TBC1D2: variants seen among roughly 807,000 people sequenced by gnomAD.
TBC1D2 encodes the protein TBC1 domain family member 2.
TBC1D2 carries 58 observed loss-of-function variants against 91.1 expected under a neutral mutation model. That is an observed-to-expected ratio of 0.64 (90% CI 0.52 to 0.79). TBC1D2 has a LOEUF of 0.79. TBC1D2 is among the 30% of genes least tolerant of loss of function. TBC1D2 has a pLI of 0.00. For synonymous variants in TBC1D2, 482 were observed against 511.5 expected (o/e 0.94, Z 0.78); for missense variants, 1,080 against 1,208.3 (o/e 0.89, Z 1.57).
chr9:98,217,687 C>T (rs1339226401), intron 6 of TBC1D2, among the ~76,000 whole-genome samples: 1 of 152,130 alleles, frequency 6.6e-6, no homozygotes, highest in African/African-American at 2.4e-5. Context: ...CTAAGGAACA[C>T]CAACTACATG....
chr9:98,243,371 A>T (rs1047102102), intron 3 of TBC1D2, among the ~76,000 whole-genome samples: 1 of 151,754 alleles, frequency 6.6e-6, no homozygotes, highest in Non-Finnish European at 1.5e-5. Context: ...ATGGATAATT[A>T]AAAAAAATAC....
chr9:98,212,610 T>C (rs1828874550), intron 7 of TBC1D2, among the ~76,000 whole-genome samples: 1 of 151,974 alleles, frequency 6.6e-6, no homozygotes, highest in South Asian at 2.1e-4. Context: ...CACGCCATTC[T>C]CCTGCCTCAG....
intron 6 of TBC1D2, among the ~76,000 whole-genome samples, chr9:98,214,842 G>A (rs1194102066): frequency 6.6e-6 from 1 of 152,124 alleles, no homozygotes; most frequent in Admixed American, 6.5e-5. Flanking sequence ...CCCAGGGGAG[G>A]GAACGAATGC....
chr9:98,255,494 A>G lies in TBC1D2; in HGVS notation c.48T>C (p.Pro16=), dbSNP rs1563994510. 1.3e-5 allele frequency: 20 copies of G among 1,558,664 alleles called. No individual in the cohort carries two copies. Among genetic ancestry groups the G allele is most frequent in the Non-Finnish European group, 1.7e-5 (20 of 1,150,312 alleles). ...GATCCCTGGCAGACTCTTCGGACCCAGGGGCAGAGGAGCTGGACTCCGGGG... is the reference window on the plus strand; with the variant it reads ...GATCCCTGGCAGACTCTTCGGACCCGGGGGCAGAGGAGCTGGACTCCGGGG... ...ENAPESSSSA[P]GSEESARDPQ... Residue 16 remains proline (P), a synonymous_variant, in exon 1 of 13, where the codon CCT becomes CCC. Coordinates refer to ENST00000465784, the MANE Select transcript of TBC1D2 (RefSeq NM_001267571.2).
chr9:98,221,599 T>C (rs541621111), intron 5 of TBC1D2, among the ~76,000 whole-genome samples: 2 of 151,918 alleles, frequency 1.3e-5, no homozygotes, highest in Non-Finnish European at 2.9e-5. Flanking sequence ...GGAACTAGAG[T>C]GGCCGCCTCA....
At chr9:98,242,560 C>T (rs1018133984) in intron 3 of TBC1D2, among the ~76,000 whole-genome samples, 1 of 152,094 alleles carries the variant, frequency 6.6e-6, no homozygotes, top group Non-Finnish European at 1.5e-5. Flanking sequence ...GTAACAATAG[C>T]AGCAGCAGCT....
Position 98,255,607 on chromosome 9 carries a change from A to C in TBC1D2, c.-66T>G. On this transcript the variant is annotated 5_prime_UTR_variant, in exon 1 of 13. Transcript: ENST00000465784. ...GGACCACCAGGGACAAATCTCGGAG[A>C]CTCGGCGGGCAGCTTCCCAAAGGGA... The C allele has an allele frequency of 7.1e-7, 1 of 1,411,058 alleles. No individual in the cohort carries two copies. Among genetic ancestry groups the C allele is most frequent in the Admixed American group, 3.0e-5 (1 of 33,882 alleles). The allele number at this position is 1,411,058 out of a possible 1,614,324, so 87.4% of individuals were successfully genotyped here. A position where few individuals can be genotyped will look rare whatever the true frequency, so the allele number is the denominator to read the frequency against.
chr9:98,203,020 G>A (rs541890133), intron 10 of TBC1D2, among the ~76,000 whole-genome samples: 54 of 152,362 alleles, frequency 3.5e-4, no homozygotes, highest in African/African-American at 1.3e-3. Context: ...GAGGATGAAG[G>A]CCACCTGCCA....
At chr9:98,200,112 C>A in intron 12 of TBC1D2, 141 bp downstream of exon 12, 1 of 1,286,248 alleles carries the variant, frequency 7.8e-7, no homozygotes, top group Non-Finnish European at 1.1e-6. Flanking sequence ...GACAGTCAGA[C>A]TTCCCCAAAG....
At chr9:98,235,116 T>A (rs1691579659) in intron 3 of TBC1D2, 1 of 225,578 alleles carries the variant, frequency 4.4e-6, no homozygotes, top group Non-Finnish European at 9.2e-6. Context: ...AGGCAGAGAA[T>A]CGCTTGAACC....
At chr9:98,238,725 A>G (rs1309959987) in intron 3 of TBC1D2, among the ~76,000 whole-genome samples, 1 of 132,988 alleles carries the variant, frequency 7.5e-6, no homozygotes, top group Non-Finnish European at 1.5e-5. Flanking sequence ...GTTTCGTTCT[A>G]CTTGTTTTTT....
intron 5 of TBC1D2, among the ~76,000 whole-genome samples, chr9:98,223,743 C>T (rs548060841): frequency 3.9e-4 from 60 of 152,312 alleles, no homozygotes; most frequent in Middle Eastern, 3.4e-3. Flanking sequence ...AGGCTCTCCT[C>T]CCACCCCCAG....
Position 98,238,626 on chromosome 9 carries a change from C to T in TBC1D2, c.648-5077G>A, listed in dbSNP as rs1354969587. On this transcript the variant is annotated intron_variant, in intron 3 of 12. Transcript: ENST00000465784. ...AGCCTCCAGAACAATGTTGAATATT[C>T]CTGATTTTAAGGGGAAAATATTCAG... Among the ~76,000 whole-genome samples the T allele has an allele frequency of 5.1e-5, 7 of 137,320 alleles. 3 individuals are homozygous for T. Among genetic ancestry groups the T allele is most frequent in the African/African-American group, 2.5e-4 (7 of 27,696 alleles). 90.1% of individuals were successfully genotyped at this position (137,320 alleles called of 152,430 possible). A position where few individuals can be genotyped will look rare whatever the true frequency, so the allele number is the denominator to read the frequency against.
At chr9:98,200,511 T>C in intron 11 of TBC1D2, 137 bp from the exon 12 acceptor site, 1 of 254,236 alleles carries the variant, frequency 3.9e-6, no homozygotes, top group South Asian at 4.4e-5. Flanking sequence ...AGGCACAATG[T>C]GTGGGGATAG....
intron 1 of TBC1D2, among the ~76,000 whole-genome samples, chr9:98,254,293 A>C (rs1829929627): frequency 6.8e-6 from 1 of 146,960 alleles, no homozygotes; most frequent in Admixed American, 6.6e-5. Context: ...TGACATTAGC[A>C]CTCTGACCTT....
At position 98,227,902 on chromosome 9, in the gene TBC1D2, TA is replaced by T. The variant is rs1473954911; in HGVS notation, c.978+1049del. ...AGAAAAGGCAGACGAGGGGCCAAAC[TA>T]GGTATAGGGAGAGCATTTTTTCTAG... On this transcript the variant is annotated intron_variant, in intron 5 of 12. Coordinates refer to ENST00000465784, the MANE Select transcript of TBC1D2 (RefSeq NM_001267571.2). 7.2e-5 allele frequency among the ~76,000 whole-genome samples: 11 copies of T among 151,956 alleles called. No homozygotes were observed. The South Asian group carries it at 2.3e-3, about 32-fold the overall frequency.
At chr9:98,224,025 C>T (rs1829163547) in intron 5 of TBC1D2, among the ~76,000 whole-genome samples, 2 of 152,032 alleles carry the variant, frequency 1.3e-5, no homozygotes, top group South Asian at 4.2e-4. Context: ...TGGTGAAACC[C>T]CGTCTCTACT....
At chr9:98,244,606 C>T (rs912055433) in intron 2 of TBC1D2, among the ~76,000 whole-genome samples, 10 of 142,512 alleles carry the variant, frequency 7.0e-5, no homozygotes, top group African/African-American at 2.6e-4. Context: ...TTGCAGTGGG[C>T]CGAGATCGCG....
chr9:98,243,531 T>C (rs910326203), intron 3 of TBC1D2, among the ~76,000 whole-genome samples: 16 of 142,054 alleles, frequency 1.1e-4, no homozygotes, highest in Non-Finnish European at 2.1e-4. Flanking sequence ...TTCCAATGAA[T>C]GTATTTTTTT....
Sources: gnomAD v4.1 joint callset for allele counts (sites outside exome capture counted in the v4.1 genomes callset) on GRCh38, gnomAD v4.1.1 for gene constraint, MANE v1.5 for transcripts, NCBI Gene and HGNC (gene_info 2026-07-23, HGNC 2026-07-21) for gene names.